The following RGSL1 variants were observed in gnomAD, a reference collection of about 807,000 sequenced individuals.
RGSL1 encodes regulator of G protein signaling like 1.
A neutral mutation model predicts 124.7 loss-of-function variants in RGSL1; 97 were observed. That is an observed-to-expected ratio of 0.78 (90% CI 0.66 to 0.92). The LOEUF is 0.92. RGSL1 is among the 40% of genes least tolerant of loss of function. The pLI, the probability that RGSL1 is intolerant of heterozygous loss-of-function variation, is 0.00. For synonymous variants in RGSL1, 424 were observed against 438.1 expected (o/e 0.97, Z 0.40); for missense variants, 1,233 against 1,288.4 (o/e 0.96, Z 0.66).
chr1:182,488,587 G>A lies in RGSL1; in HGVS notation c.1494+240G>A, dbSNP rs1399504102. On this transcript the variant is annotated intron_variant, in intron 7 of 21. Transcript: ENST00000294854. ...TAAAAATACAAAAAATTAGCCGGGC[G>A]TAGTGGCGGGCGCCTGTAGTCCCAG... is the stretch of plus-strand genomic sequence containing the variant. The A allele has an allele frequency of 1.8e-5, 8 of 451,826 alleles. 1 individual carries two copies. The highest frequency in any genetic ancestry group is 2.4e-5 in the Non-Finnish European group (6 of 250,644). 28.0% of individuals were successfully genotyped at this position (451,826 alleles called of 1,614,324 possible).
chr1:182,527,066 T>C (rs1355309754), intron 10 of RGSL1, among the ~76,000 whole-genome samples: 1 of 152,096 alleles, frequency 6.6e-6, no homozygotes, highest in African/African-American at 2.4e-5. Context: ...TTAAAATCAC[T>C]TCCTCATATC....
At chr1:182,484,697 T>C (rs899135419) in intron 6 of RGSL1, among the ~76,000 whole-genome samples, 4 of 152,184 alleles carry the variant, frequency 2.6e-5, no homozygotes, top group African/African-American at 9.7e-5. Flanking sequence ...CAGCTGCAGC[T>C]GAGTGTGGTA....
rs771253084 is a variant in RGSL1 at position 182,473,774 on chromosome 1, C to T, written c.663C>T (p.Ser221=). 1.8e-5 allele frequency: 28 copies of T among 1,551,566 alleles called. No homozygotes were observed. Among genetic ancestry groups the T allele is most frequent in the Middle Eastern group, 3.3e-4 (2 of 6,012 alleles). ...AAGAGTACGAGACTCGCTTATACAG[C>T]GTTTGCTACACCCACATAGGAGGGC... The part of the protein sequence containing the change: ...LMQEYETRLY[S]VCYTHIGGLP... Residue 221 remains serine, a synonymous_variant, in exon 6 of 22, where the codon AGC becomes AGT. Transcript: ENST00000294854.
At chr1:182,514,697 C>T (rs1480693306) in intron 9 of RGSL1, among the ~76,000 whole-genome samples, 8 of 152,176 alleles carry the variant, frequency 5.3e-5, no homozygotes, top group Non-Finnish European at 1.2e-4. Context: ...GGCTTGTCTA[C>T]AGGGAGGACT....
intron 6 of RGSL1, among the ~76,000 whole-genome samples, chr1:182,476,089 A>G (rs947594922): frequency 6.6e-6 from 1 of 152,184 alleles, no homozygotes; most frequent in African/African-American, 2.4e-5. Context: ...GATTTCCAGT[A>G]TATCATAATT....
intron 2 of RGSL1, 119 bp from the exon 3 acceptor site, chr1:182,458,200 G>A (rs1652506603): frequency 1.5e-6 from 1 of 672,884 alleles, no homozygotes; most frequent in South Asian, 2.0e-5. Flanking sequence ...TTAAGAATTA[G>A]TGTCCCTTGA....
At chr1:182,454,378 C>A (rs1652108556) in intron 2 of RGSL1, among the ~76,000 whole-genome samples, 1 of 152,170 alleles carries the variant, frequency 6.6e-6, no homozygotes. Context: ...GGCATTCCCC[C>A]ACCTCTGAAC....
At chr1:182,486,818 G>A (rs1209247962) in intron 6 of RGSL1, among the ~76,000 whole-genome samples, 1 of 152,132 alleles carries the variant, frequency 6.6e-6, no homozygotes, top group East Asian at 1.9e-4. Flanking sequence ...TGGGATTACA[G>A]GCATGTGCCA....
intron 9 of RGSL1, among the ~76,000 whole-genome samples, chr1:182,502,710 C>T (rs1226313246): frequency 6.6e-6 from 1 of 152,196 alleles, no homozygotes; most frequent in Non-Finnish European, 1.5e-5. Flanking sequence ...AGTGTTTTCA[C>T]TGCATCCCAT....
chr1:182,491,685 G>GTGATGATGA (rs143606584), intron 8 of RGSL1, among the ~76,000 whole-genome samples: 2 of 151,754 alleles, frequency 1.3e-5, no homozygotes, highest in African/African-American at 4.8e-5. Context: ...ACACATCATG[G>GTGATGATGA]TGATGATGAT....
intron 5 of RGSL1, among the ~76,000 whole-genome samples, chr1:182,473,049 A>C (rs906484584): frequency 2.0e-5 from 3 of 152,208 alleles, no homozygotes; most frequent in African/African-American, 7.2e-5. Context: ...TCTAGAATGT[A>C]AGATTTATGT....
intron 19 of RGSL1, among the ~76,000 whole-genome samples, chr1:182,553,856 G>A (rs749326232): frequency 1.3e-5 from 2 of 152,030 alleles, no homozygotes; most frequent in Admixed American, 6.6e-5. Context: ...CAGGCATGAC[G>A]TATGATGTTT....
At chr1:182,491,494 T>G (rs1053436713) in intron 8 of RGSL1, among the ~76,000 whole-genome samples, 1 of 151,948 alleles carries the variant, frequency 6.6e-6, no homozygotes, top group Non-Finnish European at 1.5e-5. Flanking sequence ...GGATTACAGG[T>G]GTGAGCCACC....
At chr1:182,502,234 C>T (rs1444152041) in intron 9 of RGSL1, among the ~76,000 whole-genome samples, 1 of 152,150 alleles carries the variant, frequency 6.6e-6, no homozygotes, top group African/African-American at 2.4e-5. Flanking sequence ...CTTCTACTCC[C>T]TATTTTGTCT....
At chr1:182,535,430 T>C (rs192019224) in intron 14 of RGSL1, among the ~76,000 whole-genome samples, 207 of 152,264 alleles carry the variant, frequency 1.4e-3, no homozygotes, top group African/African-American at 4.5e-3. Context: ...ACAGCTTCCC[T>C]CCTCTGAATC....
At chr1:182,458,102 G>A (rs1652496661) in intron 2 of RGSL1, among the ~76,000 whole-genome samples, 1 of 152,210 alleles carries the variant, frequency 6.6e-6, no homozygotes, top group African/African-American at 2.4e-5. Flanking sequence ...GGGGCGTGGT[G>A]GAGCCAAAAG....
chr1:182,546,934 T>TA (rs1276894881), intron 15 of RGSL1, among the ~76,000 whole-genome samples: 5 of 152,218 alleles, frequency 3.3e-5, no homozygotes, highest in African/African-American at 1.2e-4. Context: ...ACTAAAGGTG[T>TA]ACCACTAATC....
chr1:182,460,468 G>A (rs1351552400), intron 4 of RGSL1, among the ~76,000 whole-genome samples: 2 of 152,102 alleles, frequency 1.3e-5, no homozygotes, highest in East Asian at 3.9e-4. Flanking sequence ...ATTAATGGTG[G>A]CCGCAGAACA....
intron 8 of RGSL1, among the ~76,000 whole-genome samples, chr1:182,490,317 G>A (rs1655423620): frequency 1.3e-5 from 2 of 152,186 alleles, no homozygotes; most frequent in Admixed American, 1.3e-4. Context: ...TCTATTTAGT[G>A]GAGATAATGG....
Sources: gnomAD v4.1 joint callset for allele counts (sites outside exome capture counted in the v4.1 genomes callset) on GRCh38, gnomAD v4.1.1 for gene constraint, MANE v1.5 for transcripts, NCBI Gene and HGNC (gene_info 2026-07-23, HGNC 2026-07-21) for gene names.